FN3KRP: variants seen among roughly 807,000 people sequenced by gnomAD.
FN3KRP encodes fructosamine 3 kinase related protein, also known as ketosamine-3-kinase.
Under a neutral mutation model 29.8 loss-of-function variants are expected in FN3KRP, and 33 were observed. The ratio of observed to expected loss-of-function variants is 1.11; its 90% CI spans 0.84 to 1.48. The LOEUF (loss-of-function observed/expected upper bound fraction) is 1.48, where lower values mean the gene tolerates loss of function less well. FN3KRP is among the 40% of genes most tolerant of loss of function. The probability of loss-of-function intolerance (pLI) is 0.00; values close to 1 mark genes in which losing one functional copy is unlikely to be tolerated. For synonymous variants in FN3KRP, 157 were observed against 155.2 expected, an observed-to-expected ratio of 1.01 and a Z score of -0.09; for missense variants, 430 against 402.6, an observed-to-expected ratio of 1.07 and a Z score of -0.58.
chr17:82,718,790 C>A, intron 1 of FN3KRP, 116 bp from the exon 2 acceptor site: 1 of 1,316,972 alleles, frequency 7.6e-7, no homozygotes, highest in Non-Finnish European at 1.1e-6. Flanking sequence ...ATGGAATCCT[C>A]AGTCAGGATA....
At chr17:82,722,756 C>G (rs761843187) in intron 3 of FN3KRP, 48 bp from the exon 4 acceptor site, 1 of 1,588,470 alleles carries the variant, frequency 6.3e-7, no homozygotes, top group South Asian at 1.1e-5. Flanking sequence ...AGAGTGGGCG[C>G]TGGGATCCCT....
At chr17:82,717,590 G>C (rs1231817914) in intron 1 of FN3KRP, among the ~76,000 whole-genome samples, 2 of 152,122 alleles carry the variant, frequency 1.3e-5, no homozygotes, top group Non-Finnish European at 2.9e-5. Context: ...GTGGTGGCGG[G>C]CGCCTGTAAT....
intron 4 of FN3KRP, among the ~76,000 whole-genome samples, chr17:82,723,516 T>C (rs1202294147): frequency 6.6e-6 from 1 of 152,098 alleles, no homozygotes; most frequent in Non-Finnish European, 1.5e-5. Context: ...TGCATGTGTG[T>C]GTGTGCATAT....
chr17:82,719,192 C>T (rs1421053737), intron 2 of FN3KRP, 135 bp downstream of exon 2: 7 of 801,490 alleles, frequency 8.7e-6, no homozygotes, highest in African/African-American at 1.7e-5. Flanking sequence ...TTCACACCAC[C>T]CCCCAGCTGG....
intron 4 of FN3KRP, among the ~76,000 whole-genome samples, chr17:82,724,197 G>A (rs1352274403): frequency 6.6e-6 from 1 of 152,116 alleles, no homozygotes; most frequent in Non-Finnish European, 1.5e-5. Context: ...GGAAGGCTGA[G>A]GTGGGAGGAT....
At chr17:82,716,996 C>T (rs2046760603) in intron 1 of FN3KRP, 100 bp downstream of exon 1, 7 of 1,406,004 alleles carry the variant, frequency 5.0e-6, no homozygotes, top group East Asian at 2.8e-5. Flanking sequence ...CGCCGGAGGC[C>T]GTGGGTGGCT....
rs374178160 is a variant in FN3KRP at position 82,719,466 on chromosome 17, C to T, written c.293+409C>T. On this transcript the variant is annotated intron_variant, in intron 2 of 5. Transcript: ENST00000269373. ...AAAGTGAGATGCTGACCAAAGGCCT[C>T]GCTGCACGCCGGCCGCGGTGGCTCA... is the stretch of plus-strand genomic sequence containing the variant. 7.9e-4 allele frequency among the ~76,000 whole-genome samples: 121 copies of T among 152,348 alleles called. 2 individuals are homozygous for T. Among genetic ancestry groups the T allele is most frequent in the Middle Eastern group, 3.4e-3 (1 of 294 alleles).
At chr17:82,723,979 A>G (rs1018994469) in intron 4 of FN3KRP, among the ~76,000 whole-genome samples, 2 of 139,398 alleles carry the variant, frequency 1.4e-5, no homozygotes, top group African/African-American at 5.4e-5. Context: ...CAGTTGCTTT[A>G]GCAGCAAAAA....
At chr17:82,726,812 G>A (rs2143621832) in intron 5 of FN3KRP, 21 bp from the exon 6 acceptor site, 1 of 1,522,540 alleles carries the variant, frequency 6.6e-7, no homozygotes, top group South Asian at 1.3e-5. Context: ...ATTTGCTGAG[G>A]CTCCATTTTC....
intron 4 of FN3KRP, among the ~76,000 whole-genome samples, chr17:82,723,655 A>G (rs913027699): frequency 1.3e-5 from 2 of 151,832 alleles, no homozygotes; most frequent in African/African-American, 4.8e-5. Context: ...GCATGTGTGT[A>G]CGCGTGTGCG....
rs758250328 is a variant in FN3KRP at position 82,716,904 on chromosome 17, A to T, written c.141+8A>T. 1 of 1,542,148 alleles carries T rather than the reference A, an allele frequency of 6.5e-7. No homozygotes were observed. Among genetic ancestry groups the T allele is most frequent in the African/African-American group, 1.4e-5 (1 of 70,012 alleles). ...GTGAACCCCAAGGCGGAGGTCAGGC[A>T]GCGGGTCGGGCGGGCCGGGGGACCG... On this transcript the variant is annotated splice_region_variant and intron_variant, in intron 1 of 5. Coordinates refer to ENST00000269373, the MANE Select transcript of FN3KRP (RefSeq NM_024619.4).
At chr17:82,725,915 C>T (rs1004026607) in intron 4 of FN3KRP, among the ~76,000 whole-genome samples, 5 of 152,172 alleles carry the variant, frequency 3.3e-5, no homozygotes, top group African/African-American at 4.8e-5. Flanking sequence ...GGCCCACGCC[C>T]GCCCGTAATC....
In FN3KRP at chr17:82,727,112, C is replaced by A. The variant is rs1220461227; in HGVS notation, c.871C>A (p.His291Asn). The change falls in exon 6 of 6, where the codon CAT becomes AAT. Residue 291 changes from histidine to asparagine, a missense_variant. His to Asn is a moderately conservative substitution (Grantham distance 68). Coordinates refer to ENST00000269373, the MANE Select transcript of FN3KRP (RefSeq NM_024619.4). Reference sequence around the variant, plus strand: ...CTTTCACTACTTGAACCACTGGAATCATTTTGGATCGGGGTACAGAGGATC... The same window carrying A: ...CTTTCACTACTTGAACCACTGGAATAATTTTGGATCGGGGTACAGAGGATC... ...QLFHYLNHWN[H>N]FGSGYRGSSL... 1 of 1,614,050 alleles carries A rather than the reference C, an allele frequency of 6.2e-7. No homozygotes were observed. The highest frequency in any genetic ancestry group is 8.5e-7 in the Non-Finnish European group (1 of 1,180,042).
At chr17:82,725,783 T>C (rs986195446) in intron 4 of FN3KRP, among the ~76,000 whole-genome samples, 4 of 152,250 alleles carry the variant, frequency 2.6e-5, no homozygotes, top group African/African-American at 9.6e-5. Context: ...TGTGCCACTC[T>C]TGGTACTATG....
At position 82,721,654 on chromosome 17, in the gene FN3KRP, C is replaced by T. The variant is rs984327079; in HGVS notation, c.386-1150C>T. 2.6e-5 allele frequency among the ~76,000 whole-genome samples: 4 copies of T among 151,600 alleles called. No homozygotes were observed. In the East Asian group the frequency reaches 5.8e-4, roughly 22 times the overall value. On this transcript the variant is annotated intron_variant, in intron 3 of 5. Coordinates refer to ENST00000269373, the MANE Select transcript of FN3KRP (RefSeq NM_024619.4). ...AGTAGCTGGGACTACAGGCGCCTGC[C>T]ACCACGCCTGGCTAATTTTTTGTAT...
In FN3KRP at chr17:82,716,896, G is replaced by C; in HGVS notation, c.141G>C (p.Glu47Asp). ...RVFVKVNPKA[E>D]ARRMFEGEMA... ...TCGTGAAAGTGAACCCCAAGGCGGA[G>C]GTCAGGCAGCGGGTCGGGCGGGCCG... is the stretch of plus-strand genomic sequence containing the variant. The change falls in exon 1 of 6, where the codon GAG becomes GAC. Residue 47 changes from glutamate to aspartate, a missense_variant and splice_region_variant. Glu to Asp is a conservative substitution (Grantham distance 45). Coordinates refer to ENST00000269373, the MANE Select transcript of FN3KRP (RefSeq NM_024619.4). 11 of 1,566,396 alleles carry C rather than the reference G, an allele frequency of 7.0e-6. No homozygotes were observed. Among genetic ancestry groups the C allele is most frequent in the Non-Finnish European group, 8.6e-6 (10 of 1,160,530 alleles).
chr17:82,718,927 G>A lies in FN3KRP; in HGVS notation c.163G>A (p.Glu55Lys). 6.2e-7 allele frequency: 1 copy of A among 1,614,026 alleles called. No homozygotes were observed. The highest frequency in any genetic ancestry group is 8.5e-7 in the Non-Finnish European group (1 of 1,179,890). Residue 55 changes from glutamate to lysine, a missense_variant, in exon 2 of 6, where the codon GAG (glutamate) becomes AAG (lysine). Physicochemically the swap from Glu to Lys is moderately conservative, Grantham distance 56. Transcript: ENST00000269373. Reference protein sequence around the residue: ...KAEARRMFEGEMASLTAILKT... With the variant: ...KAEARRMFEGKMASLTAILKT... The stretch of plus-strand genomic sequence containing the variant: ...ACAGGCCAGAAGAATGTTTGAAGGT[G>A]AGATGGCAAGTTTAACTGCCATCCT...
At chr17:82,717,035 C>A in intron 1 of FN3KRP, 139 bp downstream of exon 1, 3 of 1,099,674 alleles carry the variant, frequency 2.7e-6, no homozygotes, top group South Asian at 1.8e-5. Context: ...CCGCCCCTTG[C>A]GGGGAACCCT....
At position 82,716,865 on chromosome 17, in the gene FN3KRP, G is replaced by C. The variant is rs763449059; in HGVS notation, c.110G>C (p.Arg37Pro). The C allele has an allele frequency of 6.4e-7, 1 of 1,567,152 alleles. No individual in the cohort carries two copies. The highest frequency in any genetic ancestry group is 1.2e-5 in the South Asian group (1 of 86,080). The change falls in exon 1 of 6, where the codon CGA (arginine) becomes CCA (proline). Residue 37 changes from arginine to proline, a missense_variant. Physicochemically the swap from Arg to Pro is moderately radical, Grantham distance 103. Transcript: ENST00000269373. ...QGRSYDTDQG[R>P]VFVKVNPKAE... ...CGGAGCTACGACACGGATCAAGGACGAGTGTTCGTGAAAGTGAACCCCAAG... is the reference window on the plus strand; with the variant it reads ...CGGAGCTACGACACGGATCAAGGACCAGTGTTCGTGAAAGTGAACCCCAAG...
Sources: allele counts gnomAD v4.1 joint callset (sites outside exome capture counted in the v4.1 genomes callset), GRCh38; gene constraint gnomAD v4.1.1; transcripts MANE v1.5; gene names NCBI Gene and HGNC (gene_info 2026-07-23, HGNC 2026-07-21).